The following NCKAP5 variants were observed in gnomAD, a reference collection of about 807,000 sequenced individuals.
The protein encoded by NCKAP5 is nck-associated protein 5.
Under a neutral mutation model 167.0 loss-of-function variants are expected in NCKAP5, and 92 were observed. The ratio of observed to expected loss-of-function variants is 0.55; its 90% confidence interval spans 0.47 to 0.66. NCKAP5 has a LOEUF of 0.66. Ranked by LOEUF, NCKAP5 falls within the 30% of genes least tolerant of loss-of-function variation. The pLI is 0.00. For missense variants in NCKAP5, 2,378 were observed against 2,315.0 expected, an observed-to-expected ratio of 1.03 and a Z score of -0.56; for synonymous variants, 891 against 877.4, an observed-to-expected ratio of 1.02 and a Z score of -0.27.
chr2:133,465,637 T>A (rs1692523895), intron 3 of NCKAP5, among the ~76,000 whole-genome samples: 1 of 152,036 alleles, frequency 6.6e-6, no homozygotes, highest in Non-Finnish European at 1.5e-5. Flanking sequence ...AGTGTAAAAG[T>A]GTTCCTATTT....
intron 7 of NCKAP5, among the ~76,000 whole-genome samples, chr2:132,972,321 G>A (rs950930692): frequency 1.3e-5 from 2 of 152,186 alleles, no homozygotes; most frequent in East Asian, 3.9e-4. Flanking sequence ...TTAACAGCCT[G>A]TAACTACTTT....
At position 132,868,952 on chromosome 2, in the gene NCKAP5, G is replaced by T; in HGVS notation, c.671C>A (p.Ala224Asp). Reference sequence around the variant, plus strand: ...GTGACCTACCTTTTGAGTAAGCAGAGCTTGAACAACTTGGTTGGCTACCTT... The same window carrying T: ...GTGACCTACCTTTTGAGTAAGCAGATCTTGAACAACTTGGTTGGCTACCTT... ...LDEVANQVVQ[A>D]LLTQKDLREE... Residue 224 changes from alanine (A) to aspartate (D), a missense_variant, in exon 10 of 20, where the codon GCT becomes GAT. Physicochemically the swap from Ala to Asp is moderately radical, Grantham distance 126 (BLOSUM62 -2). Coordinates refer to ENST00000409261, the MANE Select transcript of NCKAP5 (RefSeq NM_207363.3). The T allele has an allele frequency of 6.5e-7, 1 of 1,547,384 alleles. No individual in the cohort carries two copies. Among genetic ancestry groups the T allele is most frequent in the East Asian group, 2.4e-5 (1 of 41,270 alleles).
intron 3 of NCKAP5, among the ~76,000 whole-genome samples, chr2:133,485,784 G>A (rs1405456528): frequency 6.6e-6 from 1 of 152,122 alleles, no homozygotes; most frequent in Non-Finnish European, 1.5e-5. Context: ...TACTGGGGGT[G>A]GGGAGGAGGG....
the NCKAP5 span, among the ~76,000 whole-genome samples, chr2:133,582,811 T>C: frequency 6.6e-6 from 1 of 152,228 alleles, no homozygotes; most frequent in African/African-American, 2.4e-5. Context: ...ATCTGGAACC[T>C]CAAATACTCT....
chr2:133,107,983 T>C (rs187812715), intron 6 of NCKAP5, among the ~76,000 whole-genome samples: 66 of 152,252 alleles, frequency 4.3e-4, no homozygotes, highest in African/African-American at 1.4e-3. Context: ...TGTTAAGATA[T>C]AGTTGTATTA....
intron 8 of NCKAP5, among the ~76,000 whole-genome samples, chr2:132,889,717 C>T (rs1338927529): frequency 1.3e-5 from 2 of 152,236 alleles, no homozygotes; most frequent in Admixed American, 1.3e-4. Flanking sequence ...ATTCAAAAAG[C>T]ACATTATTCA....
intron 11 of NCKAP5, among the ~76,000 whole-genome samples, chr2:132,857,214 T>C (rs1689542000): frequency 1.3e-5 from 2 of 152,270 alleles, no homozygotes; most frequent in South Asian, 4.1e-4. Context: ...TTATACATTG[T>C]CTATGATTCC....
At position 132,783,217 on chromosome 2, in the gene NCKAP5, G is replaced by A. The variant is rs1348435712; in HGVS notation, c.3594C>T (p.Ser1198=). 2 of 1,613,990 alleles carry A rather than the reference G, an allele frequency of 1.2e-6. No individual in the cohort carries two copies. The highest frequency in any genetic ancestry group is 1.7e-5 in the Admixed American group (1 of 60,016). Residue 1198 remains serine, a synonymous_variant, in exon 14 of 20, where the codon AGC becomes AGT. Coordinates refer to ENST00000409261, the MANE Select transcript of NCKAP5 (RefSeq NM_207363.3). ...TTCTTTCACCCGCTGTGATCTCCAT[G>A]CTTGCTGGATTCTTGGAGTCCTCTG... ...SKPEDSKNPA[S]MEITAGERNV...
At chr2:133,367,992 C>T (rs797022676) in intron 3 of NCKAP5, among the ~76,000 whole-genome samples, 3 of 152,036 alleles carry the variant, frequency 2.0e-5, no homozygotes, top group South Asian at 4.1e-4. Flanking sequence ...CAGCCAGATG[C>T]CCCCCAGAAC....
At chr2:133,306,954 A>T (rs547498464) in intron 3 of NCKAP5, among the ~76,000 whole-genome samples, 16 of 152,322 alleles carry the variant, frequency 1.1e-4, no homozygotes, top group African/African-American at 3.8e-4. Context: ...ATCTAGGGAG[A>T]AAAAATAAAC....
At chr2:132,920,659 T>TTATATATATATA (rs371454572) in intron 8 of NCKAP5, among the ~76,000 whole-genome samples, 22 of 81,996 alleles carry the variant, frequency 2.7e-4, no homozygotes, top group East Asian at 1.1e-3. Flanking sequence ...ATGGAAGAAC[T>TTATATATATATA]TATATATATA....
intron 7 of NCKAP5, among the ~76,000 whole-genome samples, chr2:132,976,563 CAAAAAAAA>C (rs1169178217): frequency 2.3e-4 from 12 of 51,840 alleles, no homozygotes; most frequent in African/African-American, 5.7e-4. Flanking sequence ...GACTCCATCT[CAAAAAAAA>C]AAAAAAAAAA....
chr2:133,443,321 T>C (rs193024490), intron 3 of NCKAP5, among the ~76,000 whole-genome samples: 6 of 152,322 alleles, frequency 3.9e-5, no homozygotes, highest in Non-Finnish European at 7.3e-5. Flanking sequence ...TTGCTCCGGA[T>C]AGTTCTCTTC....
chr2:133,349,918 T>C (rs1296749434), intron 3 of NCKAP5, among the ~76,000 whole-genome samples: 2 of 152,358 alleles, frequency 1.3e-5, no homozygotes, highest in East Asian at 3.9e-4. Flanking sequence ...TATATTTTTT[T>C]AAATTTTAAA....
intron 6 of NCKAP5, among the ~76,000 whole-genome samples, chr2:133,050,251 C>T (rs577210921): frequency 2.9e-4 from 44 of 151,910 alleles, no homozygotes; most frequent in African/African-American, 1.0e-3. Context: ...ACCAGGGCTC[C>T]ATAGAGACAT....
chr2:133,197,544 A>G (rs537939528), intron 5 of NCKAP5, among the ~76,000 whole-genome samples: 1 of 152,314 alleles, frequency 6.6e-6, no homozygotes, highest in South Asian at 2.1e-4. Context: ...GGAAAATCTC[A>G]ACTCATGAGA....
intron 5 of NCKAP5, among the ~76,000 whole-genome samples, chr2:133,171,038 T>C (rs2084227556): frequency 6.6e-6 from 1 of 152,200 alleles, no homozygotes; most frequent in Non-Finnish European, 1.5e-5. Context: ...TTGAAGAGAC[T>C]ATCTGAAGCA....
At chr2:133,007,094 C>T (rs934511433) in intron 6 of NCKAP5, among the ~76,000 whole-genome samples, 4 of 152,162 alleles carry the variant, frequency 2.6e-5, no homozygotes, top group African/African-American at 7.2e-5. Context: ...TAACCTCAGG[C>T]CCTGTGCTCC....
chr2:132,749,618 C>T (rs1679937926), intron 16 of NCKAP5, among the ~76,000 whole-genome samples: 2 of 152,194 alleles, frequency 1.3e-5, no homozygotes, highest in African/African-American at 4.8e-5. Context: ...CTCGTCCTAC[C>T]TGTATTCACT....
Sources: gnomAD v4.1 joint callset for allele counts (sites outside exome capture counted in the v4.1 genomes callset) on GRCh38, gnomAD v4.1.1 for gene constraint, MANE v1.5 for transcripts, NCBI Gene and HGNC (gene_info 2026-07-23, HGNC 2026-07-21) for gene names.